Variants in FTO observed in about 807,000 individuals in gnomAD.
FTO encodes alpha-ketoglutarate-dependent dioxygenase FTO.
FTO carries 47 observed loss-of-function variants against 63.9 expected under a neutral mutation model. That is an observed-to-expected ratio of 0.74 (90% CI 0.58 to 0.94). The LOEUF is 0.94. Ranked by LOEUF, FTO falls within the 40% of genes least tolerant of loss-of-function variation. The pLI, the probability that FTO is intolerant of heterozygous loss-of-function variation, is 0.00. For missense variants in FTO, 562 were observed against 618.1 expected (o/e 0.91, Z 0.96); for synonymous variants, 207 against 224.4 (o/e 0.92, Z 0.69).
At chr16:53,788,540 T>C (rs1414419193) in intron 1 of FTO, among the ~76,000 whole-genome samples, 5 of 148,462 alleles carry the variant, frequency 3.4e-5, no homozygotes, top group Non-Finnish European at 7.4e-5. Context: ...GAGGTGGAAA[T>C]TGCAGTGAGC....
chr16:53,920,841 G>A (rs2081990780), intron 7 of FTO, among the ~76,000 whole-genome samples: 1 of 152,112 alleles, frequency 6.6e-6, no homozygotes, highest in Admixed American at 6.6e-5. Context: ...CCACTCTGGG[G>A]GGACCAGTTC....
intron 7 of FTO, among the ~76,000 whole-genome samples, chr16:53,903,244 A>G (rs2081447065): frequency 6.6e-6 from 1 of 150,762 alleles, no homozygotes; most frequent in Admixed American, 6.6e-5. Flanking sequence ...ATACCTTTCT[A>G]GGGATATTCT....
In FTO at chr16:53,796,718, A is replaced by G. The variant is rs146484188; in HGVS notation, c.46-13422A>G. 2.2e-3 allele frequency among the ~76,000 whole-genome samples: 340 copies of G among 152,342 alleles called. 3 individuals are homozygous for G. Among genetic ancestry groups the G allele is most frequent in the African/African-American group, 7.8e-3 (325 of 41,582 alleles). ...ATGAAAAGTCCATCTGTCAAATGAC[A>G]GCAGGCCCAGTTTTATAGGCACGTT... is the stretch of plus-strand genomic sequence containing the variant. On this transcript the variant is annotated intron_variant, in intron 1 of 8. Transcript: ENST00000471389.
intron 8 of FTO, chr16:53,979,400 G>A (rs1195565753): frequency 5.8e-5 from 23 of 398,426 alleles, no homozygotes; most frequent in Non-Finnish European, 5.8e-5. Flanking sequence ...GATTCATCAA[G>A]AGAGAATGCC....
intron 4 of FTO, among the ~76,000 whole-genome samples, chr16:53,863,246 A>G (rs2080224922): frequency 6.6e-6 from 1 of 152,226 alleles, no homozygotes; most frequent in Admixed American, 6.5e-5. Context: ...AGTTTTGATC[A>G]AAGTGCCTCC....
intron 8 of FTO, among the ~76,000 whole-genome samples, chr16:54,028,281 A>G (rs2084758036): frequency 6.6e-6 from 1 of 152,168 alleles, no homozygotes; most frequent in African/African-American, 2.4e-5. Flanking sequence ...TTCACTGATT[A>G]TAGCAGTGGA....
intron 1 of FTO, among the ~76,000 whole-genome samples, chr16:53,704,876 G>C (rs1478551446): frequency 1.3e-5 from 2 of 152,192 alleles, no homozygotes; most frequent in African/African-American, 2.4e-5. Flanking sequence ...TTGCAAGATA[G>C]ATATTATACA....
At chr16:54,025,105 G>A (rs2084684313) in intron 8 of FTO, among the ~76,000 whole-genome samples, 1 of 152,200 alleles carries the variant, frequency 6.6e-6, no homozygotes, top group African/African-American at 2.4e-5. Context: ...CTTAATGAAA[G>A]TCTGAAGGAG....
intron 6 of FTO, among the ~76,000 whole-genome samples, chr16:53,882,034 A>C (rs965027690): frequency 6.6e-6 from 1 of 152,142 alleles, no homozygotes; most frequent in African/African-American, 2.4e-5. Flanking sequence ...CTGCACTTAC[A>C]ATGTGTGAAT....
chr16:53,732,689 C>T (rs1293141372), intron 1 of FTO, among the ~76,000 whole-genome samples: 1 of 152,116 alleles, frequency 6.6e-6, no homozygotes, highest in African/African-American at 2.4e-5. Flanking sequence ...AGAGAGGTGC[C>T]TGAGGCAGAT....
In FTO at chr16:53,950,155, T is replaced by TAAAAAAAAAAAAAAAAAA. The variant is rs57925273; in HGVS notation, c.1364+16053_1364+16070dup. Among the ~76,000 whole-genome samples the TAAAAAAAAAAAAAAAAAA allele has an allele frequency of 6.3e-4, 32 of 50,614 alleles. 5 individuals are homozygous for TAAAAAAAAAAAAAAAAAA. Among genetic ancestry groups the TAAAAAAAAAAAAAAAAAA allele is most frequent in the Admixed American group, 1.5e-3 (5 of 3,448 alleles). The allele number at this position is 50,614 out of a possible 152,430, so 33.2% of individuals were successfully genotyped here. ...GGAAAAAAAAAGATATTCACATTTGTAAAAAAAAAAAAAAAAAAAAAAAAC... is the reference window on the plus strand; with the variant it reads ...GGAAAAAAAAAGATATTCACATTTGTAAAAAAAAAAAAAAAAAAAAAAAAAAAAAAAAAAAAAAAAAAC... On this transcript the variant is annotated intron_variant, in intron 8 of 8. Transcript: ENST00000471389.
At chr16:54,056,248 A>C (rs878969031) in intron 8 of FTO, among the ~76,000 whole-genome samples, 1 of 152,118 alleles carries the variant, frequency 6.6e-6, no homozygotes, top group Non-Finnish European at 1.5e-5. Flanking sequence ...GGTAAGTAAC[A>C]CTCAAACTCT....
intron 7 of FTO, among the ~76,000 whole-genome samples, chr16:53,919,410 T>C (rs1050233955): frequency 1.3e-5 from 2 of 152,126 alleles, no homozygotes; most frequent in Non-Finnish European, 2.9e-5. Context: ...TGGAAAACAG[T>C]GTGGAGATGC....
At chr16:53,728,613 TA>T (rs998050025) in intron 1 of FTO, among the ~76,000 whole-genome samples, 10 of 152,134 alleles carry the variant, frequency 6.6e-5, no homozygotes, top group African/African-American at 2.2e-4. Context: ...TAAATACTAT[TA>T]AAAAATTAGT....
At position 53,847,214 on chromosome 16, in the gene FTO, T is replaced by C. The variant is rs117841801; in HGVS notation, c.895+2916T>C. On this transcript the variant is annotated intron_variant, in intron 4 of 8. Transcript: ENST00000471389. ...CTAGTAAGAAGCATGGATTGTATCT[T>C]GTCATCTTATCCCACTCGGGGTCTG... Among the ~76,000 whole-genome samples, 217 of 152,288 alleles carry C rather than the reference T, an allele frequency of 1.4e-3. 2 individuals carry two copies. In the East Asian group the frequency reaches 0.031, roughly 22 times the overall value.
At chr16:53,709,797 C>T (rs2075722867) in intron 1 of FTO, among the ~76,000 whole-genome samples, 1 of 152,038 alleles carries the variant, frequency 6.6e-6, no homozygotes, top group Admixed American at 6.5e-5. Context: ...TTTAATGAAC[C>T]ATTGCAGAGT....
At chr16:53,797,200 AT>A (rs1227874678) in intron 1 of FTO, among the ~76,000 whole-genome samples, 1 of 152,204 alleles carries the variant, frequency 6.6e-6, no homozygotes, top group East Asian at 1.9e-4. Flanking sequence ...ACACTCCACT[AT>A]TATCAATATC....
rs963688967 is a variant in FTO at position 53,704,180 on chromosome 16, G to A, written c.-5G>A. The A allele has an allele frequency of 6.4e-7, 1 of 1,551,550 alleles. No homozygotes were observed. Among genetic ancestry groups the A allele is most frequent in the Non-Finnish European group, 8.7e-7 (1 of 1,146,880 alleles). On this transcript the variant is annotated 5_prime_UTR_variant, in exon 1 of 9. Coordinates refer to ENST00000471389, the MANE Select transcript of FTO (RefSeq NM_001080432.3). The stretch of plus-strand genomic sequence containing the variant: ...TGCGGTGGCGAAGGCGGCTTTAGTG[G>A]CAGCATGAAGCGCACCCCGACTGCC...
At position 54,110,368 on chromosome 16, in the gene FTO, T is replaced by G. The variant is rs188791334; in HGVS notation, c.1365-1394T>G. On this transcript the variant is annotated intron_variant, in intron 8 of 8. Coordinates refer to ENST00000471389, the MANE Select transcript of FTO (RefSeq NM_001080432.3). ...GCCCCGGGGTCAGCTAATCTTATTATTTATGAAGTGATGTGCTACATAATA... is the reference window on the plus strand; with the variant it reads ...GCCCCGGGGTCAGCTAATCTTATTAGTTATGAAGTGATGTGCTACATAATA... 2.6e-5 allele frequency among the ~76,000 whole-genome samples: 4 copies of G among 152,330 alleles called. No homozygotes were observed. In the East Asian group the frequency reaches 7.7e-4, roughly 29 times the overall value.
Sources: gnomAD v4.1 joint callset for allele counts (sites outside exome capture counted in the v4.1 genomes callset) on GRCh38, gnomAD v4.1.1 for gene constraint, MANE v1.5 for transcripts, NCBI Gene and HGNC (gene_info 2026-07-23, HGNC 2026-07-21) for gene names.